Variants in TPST1 observed in about 807,000 individuals in gnomAD.
TPST1 encodes protein-tyrosine sulfotransferase 1.
A neutral mutation model predicts 34.8 loss-of-function variants in TPST1; 20 were observed. The ratio of observed to expected loss-of-function variants is 0.57; its 90% CI spans 0.40 to 0.84. TPST1 has a LOEUF of 0.84. TPST1 is among the 40% of genes least tolerant of loss of function. The pLI is 0.00. For missense variants in TPST1, 353 were observed against 455.5 expected (o/e 0.78, Z 2.05); for synonymous variants, 152 against 159.4 (o/e 0.95, Z 0.35).
chr7:66,209,310 A>G (rs973722270), intron 1 of TPST1, among the ~76,000 whole-genome samples: 4 of 152,178 alleles, frequency 2.6e-5, no homozygotes, highest in African/African-American at 4.8e-5. Flanking sequence ...TTGGGAAAGA[A>G]CTGGTAATTT....
At chr7:66,247,650 T>C (rs1397506312) in intron 2 of TPST1, among the ~76,000 whole-genome samples, 1 of 152,150 alleles carries the variant, frequency 6.6e-6, no homozygotes, top group African/African-American at 2.4e-5. Flanking sequence ...ACTTAGGGAA[T>C]ATTGTGCTCC....
chr7:66,346,786 T>G (rs1792360583), intron 3 of TPST1, among the ~76,000 whole-genome samples: 1 of 152,142 alleles, frequency 6.6e-6, no homozygotes, highest in African/African-American at 2.4e-5. Context: ...GTCACTTCCC[T>G]TTGTTGATTG....
chr7:66,283,386 C>G (rs1030663751), intron 2 of TPST1, among the ~76,000 whole-genome samples: 1 of 152,142 alleles, frequency 6.6e-6, no homozygotes, highest in Non-Finnish European at 1.5e-5. Context: ...GGATACAGTC[C>G]TACATCAGGG....
chr7:66,320,798 A>C (rs10950035), intron 3 of TPST1, among the ~76,000 whole-genome samples: 31,151 of 149,668 alleles, frequency 0.21, 3,678 homozygotes, highest in East Asian at 0.31. Flanking sequence ...GGGCTTCACC[A>C]TGTTGGTCAG....
chr7:66,328,908 T>TTTC (rs1791939099), intron 3 of TPST1, among the ~76,000 whole-genome samples: 7 of 44,700 alleles, frequency 1.6e-4, no homozygotes, highest in Non-Finnish European at 3.8e-5. Context: ...ATATATATAT[T>TTTC]TTTTTTTTTT....
intron 3 of TPST1, among the ~76,000 whole-genome samples, chr7:66,325,976 G>T (rs768625338): frequency 6.6e-6 from 1 of 152,014 alleles, no homozygotes. Context: ...TTTTCTTCTC[G>T]CAAGAATTGA....
intron 1 of TPST1, among the ~76,000 whole-genome samples, chr7:66,213,813 CTGT>C (rs1434927848): frequency 1.3e-5 from 2 of 151,644 alleles, no homozygotes; most frequent in Admixed American, 1.3e-4. Context: ...CTGATTCATC[CTGT>C]TGTTGGCATC....
chr7:66,339,889 G>C (rs1014122913), intron 3 of TPST1, among the ~76,000 whole-genome samples: 1 of 146,118 alleles, frequency 6.8e-6, no homozygotes, highest in African/African-American at 2.5e-5. Flanking sequence ...GGGATGCAAG[G>C]ATGATTCAGC....
At chr7:66,226,670 C>T (rs888090498) in intron 1 of TPST1, among the ~76,000 whole-genome samples, 4 of 152,098 alleles carry the variant, frequency 2.6e-5, no homozygotes, top group East Asian at 1.9e-4. Flanking sequence ...GTACATTTAG[C>T]GAATGCCTTT....
intron 1 of TPST1, among the ~76,000 whole-genome samples, chr7:66,208,981 A>C (rs888989005): frequency 2.6e-5 from 4 of 152,042 alleles, no homozygotes; most frequent in Non-Finnish European, 5.9e-5. Context: ...AGAAGGTAAC[A>C]TATGGAAAAG....
Position 66,344,818 on chromosome 7 carries a change from G to A in TPST1, c.1045-7687G>A, listed in dbSNP as rs531846637. Reference sequence around the variant, plus strand: ...GGCTCACTGCAAGCTCCGCCTCCTGGGTTCATGCCATTCTTCTGCCTCAGC... The same window carrying A: ...GGCTCACTGCAAGCTCCGCCTCCTGAGTTCATGCCATTCTTCTGCCTCAGC... On this transcript the variant is annotated intron_variant, in intron 3 of 5. Coordinates refer to ENST00000304842, the MANE Select transcript of TPST1 (RefSeq NM_003596.4). Among the ~76,000 whole-genome samples the A allele has an allele frequency of 5.3e-5, 8 of 151,384 alleles. No homozygotes were observed. In the East Asian group the frequency reaches 1.6e-3, roughly 30 times the overall value.
At chr7:66,226,514 G>A (rs932106262) in intron 1 of TPST1, among the ~76,000 whole-genome samples, 3 of 152,094 alleles carry the variant, frequency 2.0e-5, no homozygotes, top group African/African-American at 4.8e-5. Context: ...CTTCACAAGC[G>A]TAATGAAAAC....
At chr7:66,229,277 A>AT (rs1199732926) in intron 1 of TPST1, among the ~76,000 whole-genome samples, 74 of 152,082 alleles carry the variant, frequency 4.9e-4, no homozygotes, top group Non-Finnish European at 7.4e-5. Flanking sequence ...CGCCCAGCTA[A>AT]TTTTTTGTAT....
chr7:66,304,652 G>A (rs965904187), intron 3 of TPST1, among the ~76,000 whole-genome samples: 2 of 152,060 alleles, frequency 1.3e-5, no homozygotes, highest in South Asian at 2.1e-4. Context: ...TGTAACTATC[G>A]CTTAGCAAAC....
intron 3 of TPST1, among the ~76,000 whole-genome samples, chr7:66,309,514 C>A (rs1231464813): frequency 2.0e-5 from 3 of 152,084 alleles, no homozygotes; most frequent in Non-Finnish European, 4.4e-5. Context: ...CTCTGAGGGT[C>A]ACAGCAGGTT....
intron 3 of TPST1, among the ~76,000 whole-genome samples, chr7:66,342,435 A>G (rs542469031): frequency 6.6e-6 from 1 of 152,204 alleles, no homozygotes; most frequent in Non-Finnish European, 1.5e-5. Context: ...TTGCTCTCAA[A>G]GTAAACTGTT....
intron 3 of TPST1, among the ~76,000 whole-genome samples, chr7:66,344,696 GCACCTCACCCAGCCAACATTT>G (rs961974634): frequency 6.9e-6 from 1 of 145,340 alleles, no homozygotes; most frequent in Non-Finnish European, 1.5e-5. Context: ...CAGGTGTGAG[GCACCTCACCCAGCCAACATTT>G]CTAATTTTTT....
chr7:66,253,565 A>T (rs1281904540), intron 2 of TPST1, among the ~76,000 whole-genome samples: 1 of 150,464 alleles, frequency 6.6e-6, no homozygotes, highest in African/African-American at 2.4e-5. Context: ...TAGAGACGGG[A>T]TTTCACCGTG....
chr7:66,316,503 A>T (rs1334442586), intron 3 of TPST1, among the ~76,000 whole-genome samples: 1 of 152,210 alleles, frequency 6.6e-6, no homozygotes, highest in Non-Finnish European at 1.5e-5. Flanking sequence ...TTGGTCTGTA[A>T]ATAACTGAAA....
Sources: gnomAD v4.1 joint callset for allele counts (sites outside exome capture counted in the v4.1 genomes callset) on GRCh38, gnomAD v4.1.1 for gene constraint, MANE v1.5 for transcripts, NCBI Gene and HGNC (gene_info 2026-07-23, HGNC 2026-07-21) for gene names.